The following TMEM131L variants were observed in gnomAD, a reference collection of about 807,000 sequenced individuals.
TMEM131L encodes transmembrane protein 131-like.
In TMEM131L, 54 loss-of-function variants were observed where a neutral mutation model predicts 192.2. The ratio of observed to expected loss-of-function variants is 0.28; its 90% confidence interval spans 0.23 to 0.35. TMEM131L has a LOEUF of 0.35. TMEM131L is among the 10% of genes least tolerant of loss of function. The pLI is 1.00. For synonymous variants in TMEM131L, 701 were observed against 704.9 expected (o/e 0.99, Z 0.09); for missense variants, 1,888 against 1,972.9 (o/e 0.96, Z 0.82).
chr4:153,545,185 G>A (rs116418050), intron 3 of TMEM131L, among the ~76,000 whole-genome samples: 38 of 152,028 alleles, frequency 2.5e-4, no homozygotes, highest in Non-Finnish European at 4.0e-4. Flanking sequence ...TGTTGAAGAA[G>A]AAACTGAATC....
At chr4:153,549,823 C>T (rs549685868) in intron 3 of TMEM131L, among the ~76,000 whole-genome samples, 1 of 152,354 alleles carries the variant, frequency 6.6e-6, no homozygotes, top group Non-Finnish European at 1.5e-5. Context: ...AAATCCATCT[C>T]TATTTCTGTC....
intron 26 of TMEM131L, among the ~76,000 whole-genome samples, chr4:153,614,560 A>C (rs894457096): frequency 6.6e-6 from 1 of 152,090 alleles, no homozygotes; most frequent in African/African-American, 2.4e-5. Context: ...ATTGAAAGCA[A>C]CCTGTGGACT....
intron 3 of TMEM131L, among the ~76,000 whole-genome samples, chr4:153,530,048 T>TA (rs61283896): frequency 3.3e-5 from 5 of 151,522 alleles, no homozygotes; most frequent in Admixed American, 6.6e-5. Flanking sequence ...TTTTTTTTTT[T>TA]AGGTCTGTGC....
chr4:153,635,403 C>T, intron 33 of TMEM131L, 29 bp from the exon 34 acceptor site: 1 of 1,608,724 alleles, frequency 6.2e-7, no homozygotes, highest in Non-Finnish European at 8.5e-7. Context: ...AAATGTTTAC[C>T]TATGATGATA....
Position 153,507,203 on chromosome 4 carries a change from T to G in TMEM131L, c.239+33315T>G, listed in dbSNP as rs143169428. On this transcript the variant is annotated intron_variant, in intron 3 of 34. Transcript: ENST00000409959. ...CCCATCAGAGCTATCCAGTGTTGGGTTGAAATGGCCAGGCTTGTTTTTATC... is the reference window on the plus strand; with the variant it reads ...CCCATCAGAGCTATCCAGTGTTGGGGTGAAATGGCCAGGCTTGTTTTTATC... Among the ~76,000 whole-genome samples, 172 of 152,258 alleles carry G rather than the reference T, an allele frequency of 1.1e-3. 2 individuals carry two copies. Among genetic ancestry groups the G allele is most frequent in the African/African-American group, 4.0e-3 (165 of 41,536 alleles).
At chr4:153,585,820 A>G (rs1166870427) in intron 13 of TMEM131L, among the ~76,000 whole-genome samples, 1 of 152,044 alleles carries the variant, frequency 6.6e-6, no homozygotes, top group East Asian at 1.9e-4. Context: ...CTCTCTTTTT[A>G]AAAAACTGTT....
At chr4:153,631,398 C>T (rs530624557) in intron 31 of TMEM131L, among the ~76,000 whole-genome samples, 36 of 152,294 alleles carry the variant, frequency 2.4e-4, no homozygotes, top group African/African-American at 8.4e-4. Flanking sequence ...TGCATGAGTT[C>T]CCCTGAGCCC....
At chr4:153,625,231 C>CA (rs1733749936) in intron 29 of TMEM131L, among the ~76,000 whole-genome samples, 1 of 152,004 alleles carries the variant, frequency 6.6e-6, no homozygotes, top group African/African-American at 2.4e-5. Context: ...GCCAACGTAG[C>CA]AAAACCCCAT....
chr4:153,587,696 T>A (rs940942655), intron 14 of TMEM131L, 46 bp from the exon 15 acceptor site: 1 of 1,354,310 alleles, frequency 7.4e-7, no homozygotes, highest in Non-Finnish European at 1.1e-6. Flanking sequence ...AATTTTTATG[T>A]TTAGTGCTGT....
At chr4:153,562,250 C>A (rs1324239674) in intron 7 of TMEM131L, among the ~76,000 whole-genome samples, 2 of 152,070 alleles carry the variant, frequency 1.3e-5, no homozygotes, top group Admixed American at 6.6e-5. Context: ...GTTGATCAGG[C>A]TGGTCTCAAA....
At chr4:153,518,426 G>A (rs907336468) in intron 3 of TMEM131L, among the ~76,000 whole-genome samples, 2 of 152,142 alleles carry the variant, frequency 1.3e-5, no homozygotes, top group Admixed American at 6.5e-5. Context: ...CTAGTATTGA[G>A]GCCTATGAAA....
intron 15 of TMEM131L, 71 bp downstream of exon 15, chr4:153,587,882 C>A: frequency 9.5e-7 from 1 of 1,056,192 alleles, no homozygotes; most frequent in Non-Finnish European, 1.5e-6. Flanking sequence ...GGAAAATTAG[C>A]ATTTGTCAAT....
chr4:153,565,114 C>T (rs1035032393), intron 7 of TMEM131L, among the ~76,000 whole-genome samples: 3 of 152,200 alleles, frequency 2.0e-5, no homozygotes, highest in Non-Finnish European at 4.4e-5. Flanking sequence ...GTCTGCATGC[C>T]GCTTGGTCCA....
intron 3 of TMEM131L, among the ~76,000 whole-genome samples, chr4:153,502,451 T>C (rs1353278696): frequency 6.6e-6 from 1 of 152,190 alleles, no homozygotes; most frequent in East Asian, 1.9e-4. Flanking sequence ...AATCCTAGGC[T>C]TCTGTAAGGT....
chr4:153,506,965 T>C (rs1361293093), intron 3 of TMEM131L, among the ~76,000 whole-genome samples: 1 of 152,102 alleles, frequency 6.6e-6, no homozygotes, highest in Non-Finnish European at 1.5e-5. Context: ...TAACCATAGC[T>C]GAAAACTCTT....
At chr4:153,501,421 C>T (rs544947063) in intron 3 of TMEM131L, among the ~76,000 whole-genome samples, 7 of 152,036 alleles carry the variant, frequency 4.6e-5, no homozygotes, top group East Asian at 1.9e-4. Context: ...AGGATGGTCT[C>T]GATCGCTTGA....
chr4:153,518,005 C>G (rs1047008345), intron 3 of TMEM131L, among the ~76,000 whole-genome samples: 1 of 151,670 alleles, frequency 6.6e-6, no homozygotes, highest in Non-Finnish European at 1.5e-5. Flanking sequence ...CTTGAACTTA[C>G]GATGAGTGTG....
chr4:153,603,551 T>C lies in TMEM131L; in HGVS notation c.2789+99T>C, dbSNP rs1731997838. On this transcript the variant is annotated intron_variant, in intron 24 of 34. Coordinates refer to ENST00000409959, the MANE Select transcript of TMEM131L (RefSeq NM_001131007.2). ...TTTAAGTAAACATAAATTTTGATTC[T>C]ACATTTGCTTTCATAAAATTTTAAG... 2.2e-6 allele frequency: 3 copies of C among 1,354,134 alleles called. No individual in the cohort carries two copies. The South Asian group carries it at 4.5e-5, about 20-fold the overall frequency. The allele number at this position is 1,354,134 out of a possible 1,614,324, so 83.9% of individuals were successfully genotyped here.
intron 7 of TMEM131L, among the ~76,000 whole-genome samples, chr4:153,572,334 T>C (rs1043381700): frequency 6.6e-6 from 1 of 152,120 alleles, no homozygotes; most frequent in African/African-American, 2.4e-5. Context: ...CTTTTTTGTT[T>C]TGTTTTGTTT....
Sources: gnomAD v4.1 joint callset for allele counts (sites outside exome capture counted in the v4.1 genomes callset) on GRCh38, gnomAD v4.1.1 for gene constraint, MANE v1.5 for transcripts, NCBI Gene and HGNC (gene_info 2026-07-23, HGNC 2026-07-21) for gene names.